TPCN1: variants seen among roughly 807,000 people sequenced by gnomAD.
TPCN1 encodes the protein two pore channel protein 1.
Under a neutral mutation model 108.8 loss-of-function variants are expected in TPCN1, and 52 were observed. That is an observed-to-expected ratio of 0.48 (90% CI 0.38 to 0.60). The LOEUF is 0.60. Among genes scored for constraint, TPCN1 ranks in the 20% least tolerant of loss-of-function variants. The probability of loss-of-function intolerance (pLI) is 0.00; values close to 1 mark genes in which losing one functional copy is unlikely to be tolerated. For synonymous variants in TPCN1, 446 were observed against 433.7 expected, an observed-to-expected ratio of 1.03 and a Z score of -0.35; for missense variants, 806 against 1,072.8, an observed-to-expected ratio of 0.75 and a Z score of 3.47.
chr12:113,238,662 C>T lies in TPCN1; in HGVS notation c.112+11698C>T, dbSNP rs559899693. 3.9e-5 allele frequency among the ~76,000 whole-genome samples: 6 copies of T among 152,316 alleles called. No individual in the cohort carries two copies. In the East Asian group the frequency reaches 1.2e-3, roughly 29 times the overall value. On this transcript the variant is annotated intron_variant, in intron 2 of 27. Transcript: ENST00000335509. Reference sequence around the variant, plus strand: ...CCTTTGAGGATAGTGGTTGTGTTTCCACAGTCTCTCATTCTCCAGGTATGC... The same window carrying T: ...CCTTTGAGGATAGTGGTTGTGTTTCTACAGTCTCTCATTCTCCAGGTATGC...
intron 2 of TPCN1, among the ~76,000 whole-genome samples, chr12:113,239,951 C>A (rs1954043852): frequency 6.6e-6 from 1 of 152,140 alleles, no homozygotes; most frequent in Non-Finnish European, 1.5e-5. Flanking sequence ...CTTGGAGCTG[C>A]TCCAAGCTGC....
At chr12:113,286,489 C>T (rs1474209411) in intron 18 of TPCN1, among the ~76,000 whole-genome samples, 4 of 128,666 alleles carry the variant, frequency 3.1e-5, no homozygotes, top group East Asian at 3.1e-4. Context: ...GTGTGCCCTG[C>T]GTGTCTGGAG....
At chr12:113,287,221 C>A (rs1212552346) in intron 19 of TPCN1, 127 bp downstream of exon 19, 63 of 750,586 alleles carry the variant, frequency 8.4e-5, no homozygotes, top group Non-Finnish European at 1.8e-5. Context: ...GATGTCACCC[C>A]CTGGAGAATC....
chr12:113,290,897 ATTGACT>A (rs1956244766), intron 22 of TPCN1, 49 bp from the exon 23 acceptor site: 4 of 1,579,548 alleles, frequency 2.5e-6, no homozygotes, highest in Non-Finnish European at 2.6e-6. Flanking sequence ...GCCACTTGAA[ATTGACT>A]TTGAAGTGGG....
chr12:113,222,865 G>T (rs1271985097), intron 1 of TPCN1, among the ~76,000 whole-genome samples: 3 of 152,180 alleles, frequency 2.0e-5, no homozygotes, highest in African/African-American at 7.2e-5. Flanking sequence ...GTAACATTAA[G>T]AAACCTCTTC....
intron 18 of TPCN1, among the ~76,000 whole-genome samples, chr12:113,286,439 T>A (rs1956080375): frequency 6.6e-6 from 1 of 152,120 alleles, no homozygotes; most frequent in Non-Finnish European, 1.5e-5. Flanking sequence ...GGTGAGCGGG[T>A]TAACACGCAG....
At position 113,288,319 on chromosome 12, in the gene TPCN1, G is replaced by A. The variant is rs1249168811; in HGVS notation, c.1706+85G>A. The A allele has an allele frequency of 1.3e-6, 2 of 1,589,040 alleles. No homozygotes were observed. The highest frequency in any genetic ancestry group is 1.1e-5 in the South Asian group (1 of 88,810). The stretch of plus-strand genomic sequence containing the variant: ...GGGCGGGAGCCGAGTGGCAGTCGGG[G>A]GAAAGGAGTTCCACAAAGGACTGCA... On this transcript the variant is annotated intron_variant, in intron 20 of 27. Transcript: ENST00000335509. This position sits in a 1 kb window ranked among gnomAD's most constrained non-coding sequence, Gnocchi z 4.8.
chr12:113,278,749 C>T (rs202051162), intron 13 of TPCN1, 23 bp from the exon 14 acceptor site: 103 of 1,612,570 alleles, frequency 6.4e-5, no homozygotes, highest in Non-Finnish European at 7.6e-5. Flanking sequence ...GACACCCTCC[C>T]TCTTGGTCCT....
chr12:113,256,752 T>G (rs1954843267), intron 2 of TPCN1, among the ~76,000 whole-genome samples: 1 of 152,168 alleles, frequency 6.6e-6, no homozygotes, highest in East Asian at 1.9e-4. Context: ...CAGGTTAATC[T>G]TGAACTCTTG....
intron 2 of TPCN1, among the ~76,000 whole-genome samples, chr12:113,241,944 C>T (rs1024926423): frequency 7.2e-5 from 11 of 152,098 alleles, no homozygotes; most frequent in African/African-American, 2.7e-4. Flanking sequence ...ATAATAAACC[C>T]AGTGGCATGG....
chr12:113,294,563 G>C (rs1956368425), intron 27 of TPCN1, among the ~76,000 whole-genome samples: 1 of 151,226 alleles, frequency 6.6e-6, no homozygotes, highest in Non-Finnish European at 1.5e-5. Context: ...GGAGGCAGAG[G>C]TTGCAGTGAG....
chr12:113,240,992 C>G (rs1954094038), intron 2 of TPCN1, among the ~76,000 whole-genome samples: 1 of 152,178 alleles, frequency 6.6e-6, no homozygotes, highest in Non-Finnish European at 1.5e-5. Context: ...GTGAACTGCT[C>G]ACCTTGGTGA....
At position 113,268,219 on chromosome 12, in the gene TPCN1, G is replaced by A. The variant is rs374923357; in HGVS notation, c.528+263G>A. The stretch of plus-strand genomic sequence containing the variant: ...CTTCGAGAGAGATGTGCTGCTCTCC[G>A]TGGTTTACATTCATCTGGAGACATG... On this transcript the variant is annotated intron_variant, in intron 5 of 27. Coordinates refer to ENST00000335509, the MANE Select transcript of TPCN1 (RefSeq NM_017901.6). The surrounding 1 kb of genome is among the most constrained non-coding windows in gnomAD (Gnocchi z 7.3). Among the ~76,000 whole-genome samples the A allele has an allele frequency of 6.6e-6, 1 of 152,212 alleles. No individual in the cohort carries two copies. The highest frequency in any genetic ancestry group is 1.5e-5 in the Non-Finnish European group (1 of 68,042).
intron 14 of TPCN1, among the ~76,000 whole-genome samples, chr12:113,279,381 A>ATT (rs1566189482): frequency 8.9e-5 from 2 of 22,504 alleles, no homozygotes; most frequent in African/African-American, 2.5e-4. Flanking sequence ...ATATATATAT[A>ATT]TATATATATA....
chr12:113,278,441 G>T (rs748325441), intron 13 of TPCN1, among the ~76,000 whole-genome samples: 3 of 152,204 alleles, frequency 2.0e-5, no homozygotes, highest in Non-Finnish European at 2.9e-5. Context: ...ATCGTTAACA[G>T]CACCGAATCT....
chr12:113,278,775 A>C lies in TPCN1; in HGVS notation c.1237A>C (p.Lys413Gln). 1 of 1,613,996 alleles carries C rather than the reference A, an allele frequency of 6.2e-7. No homozygotes were observed. The highest frequency in any genetic ancestry group is 1.3e-5 in the African/African-American group (1 of 75,054). Reference protein sequence around the residue: ...YEVAALKWKAKKNREHWFDEL... With the variant: ...YEVAALKWKAQKNREHWFDEL... ...TCTTGGTCCTGTTGTCTACCAGGCCAAGAAAAACAGAGAGCACTGGTTTGA... is the reference window on the plus strand; with the variant it reads ...TCTTGGTCCTGTTGTCTACCAGGCCCAGAAAAACAGAGAGCACTGGTTTGA... Residue 413 changes from lysine to glutamine, a missense_variant, in exon 14 of 28, where the codon AAG becomes CAG. Lys to Gln is a moderately conservative substitution (Grantham distance 53, BLOSUM62 1). Transcript: ENST00000335509.
intron 25 of TPCN1, 190 bp from the exon 26 acceptor site, chr12:113,292,744 C>A: frequency 1.6e-6 from 1 of 622,404 alleles, no homozygotes; most frequent in Non-Finnish European, 2.7e-6. Context: ...TAGACCTGCG[C>A]TCCTGACATC....
chr12:113,235,329 G>T (rs76843668), intron 2 of TPCN1, among the ~76,000 whole-genome samples: 1 of 152,076 alleles, frequency 6.6e-6, no homozygotes, highest in Non-Finnish European at 1.5e-5. Flanking sequence ...TGAGTCTATG[G>T]AGTGCTCATT....
intron 10 of TPCN1, among the ~76,000 whole-genome samples, chr12:113,275,270 C>T (rs1407334644): frequency 6.6e-6 from 1 of 152,230 alleles, no homozygotes; most frequent in Non-Finnish European, 1.5e-5. Flanking sequence ...TGGAGTCTCG[C>T]TCTGTCACCC....
Sources: gnomAD v4.1 joint callset for allele counts (sites outside exome capture counted in the v4.1 genomes callset) on GRCh38, gnomAD v4.1.1 for gene constraint, Gnocchi (gnomAD v3.1) non-coding constraint, MANE v1.5 for transcripts, NCBI Gene and HGNC (gene_info 2026-07-23, HGNC 2026-07-21) for gene names.